The following GBE1 variants were observed in gnomAD, a reference collection of about 807,000 sequenced individuals.
GBE1 encodes 1,4-alpha-glucan branching enzyme 1.
Under a neutral mutation model 88.8 loss-of-function variants are expected in GBE1, and 70 were observed. The observed-to-expected ratio is 0.79, with a 90% CI of 0.65 to 0.96. The LOEUF (loss-of-function observed/expected upper bound fraction) is 0.96. Among genes scored for constraint, GBE1 ranks in the 40% least tolerant of loss-of-function variants. GBE1 has a pLI of 0.00. For missense variants in GBE1, 872 were observed against 871.0 expected (o/e 1.00, Z -0.01); for synonymous variants, 284 against 300.1 (o/e 0.95, Z 0.56).
chr3:81,614,127 G>C (rs952625200), intron 7 of GBE1, among the ~76,000 whole-genome samples: 1 of 152,074 alleles, frequency 6.6e-6, no homozygotes, highest in Non-Finnish European at 1.5e-5. Context: ...TGATCCTCCT[G>C]CCTCAGCCTC....
At position 81,600,657 on chromosome 3, in the gene GBE1, C is replaced by T. The variant is rs145180910; in HGVS notation, c.993-6634G>A. On this transcript the variant is annotated intron_variant, in intron 7 of 15. Coordinates refer to ENST00000429644, the MANE Select transcript of GBE1 (RefSeq NM_000158.4). ...AATATACTACAACAGGATTTTCCTT[C>T]ACTATCACCTCAGAACAATATTTTA... 9.7e-3 allele frequency among the ~76,000 whole-genome samples: 1,475 copies of T among 152,270 alleles called. 73 individuals carry two copies. Among genetic ancestry groups the T allele is most frequent in the Admixed American group, 0.068 (1,032 of 15,280 alleles).
At chr3:81,736,522 T>C (rs139453951) in intron 1 of GBE1, among the ~76,000 whole-genome samples, 71 of 152,324 alleles carry the variant, frequency 4.7e-4, no homozygotes, top group African/African-American at 1.4e-3. Context: ...ACCCCACAAG[T>C]TACTTCCAGA....
chr3:81,671,937 A>G (rs1451201227), intron 2 of GBE1, among the ~76,000 whole-genome samples: 2 of 152,032 alleles, frequency 1.3e-5, no homozygotes, highest in African/African-American at 4.8e-5. Flanking sequence ...TCCATAATAC[A>G]TGAAGAACAT....
chr3:81,612,352 G>T, intron 7 of GBE1: 1 of 809,220 alleles, frequency 1.2e-6, no homozygotes. Flanking sequence ...TGATTTCGGT[G>T]GACTTTGAAG....
chr3:81,511,163 T>C (rs1702721748), intron 14 of GBE1, among the ~76,000 whole-genome samples: 1 of 152,060 alleles, frequency 6.6e-6, no homozygotes, highest in South Asian at 2.1e-4. Context: ...TTTCACCATA[T>C]ACAAAAATTA....
intron 2 of GBE1, among the ~76,000 whole-genome samples, chr3:81,676,208 C>T (rs1576195622): frequency 1.3e-5 from 2 of 151,986 alleles, no homozygotes; most frequent in South Asian, 4.1e-4. Flanking sequence ...TATACTCAAA[C>T]TTTTGAGTAT....
chr3:81,660,243 T>C (rs528858857), intron 3 of GBE1, among the ~76,000 whole-genome samples: 14 of 152,264 alleles, frequency 9.2e-5, no homozygotes, highest in Admixed American at 2.0e-4. Context: ...CTTTGGATAA[T>C]GGACTCAGGC....
intron 1 of GBE1, among the ~76,000 whole-genome samples, chr3:81,722,822 C>G (rs1407596778): frequency 6.6e-6 from 1 of 150,434 alleles, no homozygotes; most frequent in Non-Finnish European, 1.5e-5. Flanking sequence ...CTTTAACCCA[C>G]TTATTAACTC....
At chr3:81,660,384 T>C (rs1705007762) in intron 3 of GBE1, among the ~76,000 whole-genome samples, 1 of 152,202 alleles carries the variant, frequency 6.6e-6, no homozygotes, top group South Asian at 2.1e-4. Context: ...GCCCCCATCT[T>C]GTGTAGATAA....
At chr3:81,529,183 T>A (rs1410949977) in intron 14 of GBE1, among the ~76,000 whole-genome samples, 1 of 152,072 alleles carries the variant, frequency 6.6e-6, no homozygotes, top group East Asian at 1.9e-4. Flanking sequence ...TATTTTAAAC[T>A]GATGACAACT....
chr3:81,723,072 C>A (rs146355716), intron 1 of GBE1, among the ~76,000 whole-genome samples: 1 of 151,316 alleles, frequency 6.6e-6, no homozygotes, highest in Non-Finnish European at 1.5e-5. Flanking sequence ...ATGAAAAAAA[C>A]GTGGTACCTG....
At chr3:81,500,069 T>C (rs1206984780) in intron 14 of GBE1, among the ~76,000 whole-genome samples, 2 of 152,182 alleles carry the variant, frequency 1.3e-5, no homozygotes, top group Non-Finnish European at 2.9e-5. Context: ...ATCACATTAA[T>C]AGAAACTGTG....
intron 7 of GBE1, among the ~76,000 whole-genome samples, chr3:81,601,843 T>C (rs925813912): frequency 6.6e-6 from 1 of 152,202 alleles, no homozygotes; most frequent in African/African-American, 2.4e-5. Context: ...TTATTTTATT[T>C]ACCTATTTGT....
At chr3:81,593,195 T>C (rs745674355) in intron 8 of GBE1, among the ~76,000 whole-genome samples, 1 of 151,784 alleles carries the variant, frequency 6.6e-6, no homozygotes, top group African/African-American at 2.4e-5. Flanking sequence ...AAACCCCGTC[T>C]CTATTAAAAA....
intron 14 of GBE1, among the ~76,000 whole-genome samples, chr3:81,518,209 G>T (rs1702823267): frequency 6.6e-6 from 1 of 151,366 alleles, no homozygotes; most frequent in South Asian, 2.1e-4. Flanking sequence ...ATAGAAGACA[G>T]AAATTTTGAC....
intron 12 of GBE1, among the ~76,000 whole-genome samples, chr3:81,551,982 T>A (rs1703278197): frequency 6.6e-6 from 1 of 152,184 alleles, no homozygotes; most frequent in Non-Finnish European, 1.5e-5. Context: ...ATACCCTCAC[T>A]CTACCCCTGC....
chr3:81,743,040 C>T (rs187538327), intron 1 of GBE1, among the ~76,000 whole-genome samples: 1 of 152,242 alleles, frequency 6.6e-6, no homozygotes, highest in Non-Finnish European at 1.5e-5. Flanking sequence ...GAGTACAAAT[C>T]TCTATTCTAA....
chr3:81,595,760 T>G (rs13324454), intron 7 of GBE1, among the ~76,000 whole-genome samples: 23,549 of 151,900 alleles, frequency 0.16, 1,986 homozygotes, highest in Non-Finnish European at 0.2. Context: ...ATTTAATCTA[T>G]TCTACTCTTG....
At chr3:81,578,399 T>C (rs955747732) in intron 11 of GBE1, among the ~76,000 whole-genome samples, 1 of 151,962 alleles carries the variant, frequency 6.6e-6, no homozygotes, top group Non-Finnish European at 1.5e-5. Context: ...CACCTCACAT[T>C]TTCTGAAACA....
Sources: allele counts gnomAD v4.1 joint callset (sites outside exome capture counted in the v4.1 genomes callset), GRCh38; gene constraint gnomAD v4.1.1; transcripts MANE v1.5; gene names NCBI Gene and HGNC (gene_info 2026-07-23, HGNC 2026-07-21).